The following PRIM2 variants were observed in gnomAD, a reference collection of about 807,000 sequenced individuals.
The protein encoded by PRIM2 is DNA primase subunit 2.
Under a neutral mutation model 67.3 loss-of-function variants are expected in PRIM2, and 39 were observed. The observed-to-expected ratio is 0.58, with a 90% CI of 0.45 to 0.76. PRIM2 has a LOEUF of 0.76. Ranked by LOEUF, PRIM2 falls within the 30% of genes least tolerant of loss-of-function variation. The pLI is 0.00. For missense variants in PRIM2, 398 were observed against 598.7 expected (o/e 0.66, Z 3.50); for synonymous variants, 143 against 198.7 (o/e 0.72, Z 2.36).
At chr6:57,266,782 T>G in the PRIM2 span, among the ~76,000 whole-genome samples, 96 of 152,340 alleles carry the variant, frequency 6.3e-4, no homozygotes, top group Non-Finnish European at 1.1e-3. Flanking sequence ...TTCTCTTTAA[T>G]TTTTGATCAG....
intron 7 of PRIM2, among the ~76,000 whole-genome samples, chr6:57,454,159 C>G (rs1217071989): frequency 6.6e-6 from 1 of 152,120 alleles, no homozygotes; most frequent in Non-Finnish European, 1.5e-5. Flanking sequence ...GGTGGATAAG[C>G]TTTTTGATGT....
chr6:57,382,031 A>T lies in PRIM2; in HGVS notation c.556A>T (p.Ile186Phe). 1 of 1,608,174 alleles carries T rather than the reference A, an allele frequency of 6.2e-7. No individual in the cohort carries two copies. Residue 186 changes from isoleucine (I) to phenylalanine (F), a missense_variant and splice_region_variant, in exon 7 of 14, where the codon ATC (isoleucine) becomes TTC (phenylalanine). This residue lies in a region of PRIM2 where 229 missense variants were observed against 383.6 expected (regional missense o/e 0.60). Transcript: ENST00000615550. Reference protein sequence around the residue: ...LKLGFESIYKIPFADALDLFR... With the variant: ...LKLGFESIYKFPFADALDLFR... ...TTTGCCTGTTTTACTCTTAATTCAG[A>T]TCCCTTTTGCTGATGCTCTGGATTT...
Position 57,404,680 on chromosome 6 carries a change from C to T in PRIM2, c.693+22512C>T, listed in dbSNP as rs1238900400. 3.7e-4 allele frequency among the ~76,000 whole-genome samples: 56 copies of T among 152,292 alleles called. 1 individual carries two copies. The highest frequency in any genetic ancestry group is 5.9e-5 in the Non-Finnish European group (4 of 68,042). ...AGCTGTTATTCACTGGACAGTTTTT[C>T]TCTGCAGTATGTAAGATGTGAATTT... On this transcript the variant is annotated intron_variant, in intron 7 of 13. Transcript: ENST00000615550.
the PRIM2 span, among the ~76,000 whole-genome samples, chr6:57,236,332 C>CAAT: frequency 1.1e-4 from 6 of 52,398 alleles, no homozygotes; most frequent in African/African-American, 2.7e-4. Context: ...AATAGCTTCC[C>CAAT]AATTCATTAT....
intron 13 of PRIM2, among the ~76,000 whole-genome samples, chr6:57,642,433 A>ACC (rs1444848326): frequency 0.1 from 10,577 of 104,612 alleles, 879 homozygotes; most frequent in East Asian, 0.22. Flanking sequence ...TAAATATTAT[A>ACC]TCTTTTTTTT....
intron 7 of PRIM2, among the ~76,000 whole-genome samples, chr6:57,388,883 GAGAA>G (rs1279607086): frequency 2.0e-5 from 3 of 152,172 alleles, no homozygotes; most frequent in Non-Finnish European, 4.4e-5. Context: ...TTTTGGGGAG[GAGAA>G]TGTGCAGCCA....
At chr6:57,385,341 A>G (rs1581850685) in intron 7 of PRIM2, among the ~76,000 whole-genome samples, 1 of 152,282 alleles carries the variant, frequency 6.6e-6, no homozygotes, top group East Asian at 1.9e-4. Context: ...TTAAAAAATT[A>G]ATACTTTAAA....
chr6:57,460,483 G>A (rs1001896833), intron 7 of PRIM2, among the ~76,000 whole-genome samples: 1 of 152,026 alleles, frequency 6.6e-6, no homozygotes, highest in Non-Finnish European at 1.5e-5. Flanking sequence ...TGTAATGCTC[G>A]TAAGTTCTGT....
chr6:57,620,642 A>G (rs1369481132), intron 12 of PRIM2, among the ~76,000 whole-genome samples: 1 of 152,330 alleles, frequency 6.6e-6, no homozygotes, highest in African/African-American at 2.4e-5. Context: ...GGACCTGTAA[A>G]ATAAAAACAC....
rs550504954 is a variant in PRIM2, at chr6:57,409,215, G to A, written c.693+27047G>A. ...TTTCGAGATGGAGTCTCGCTCTGTC[G>A]CCCAGGCTGGAGTACACTAGCACGA... On this transcript the variant is annotated intron_variant, in intron 7 of 13. Transcript: ENST00000615550. Among the ~76,000 whole-genome samples the A allele has an allele frequency of 1.8e-4, 27 of 150,624 alleles. 1 individual carries two copies. In the South Asian group the frequency reaches 4.6e-3, roughly 26 times the overall value.
chr6:57,240,342 C>G, the PRIM2 span, among the ~76,000 whole-genome samples: 1 of 152,072 alleles, frequency 6.6e-6, no homozygotes, highest in African/African-American at 2.4e-5. Context: ...CTCAGGTGAT[C>G]CTCCTGCCTC....
At chr6:57,361,901 GA>G (rs5876542) in intron 5 of PRIM2, among the ~76,000 whole-genome samples, 25 of 151,626 alleles carry the variant, frequency 1.6e-4, no homozygotes, top group South Asian at 1.5e-3. Flanking sequence ...GTTATAGGGG[GA>G]AAAAAAAGTG....
chr6:57,283,428 T>G, the PRIM2 span, among the ~76,000 whole-genome samples: 1 of 152,198 alleles, frequency 6.6e-6, no homozygotes, highest in Non-Finnish European at 1.5e-5. Flanking sequence ...CAGTTACAGT[T>G]TAAAATATTA....
intron 7 of PRIM2, among the ~76,000 whole-genome samples, chr6:57,454,876 T>C (rs1772704599): frequency 6.6e-6 from 1 of 152,234 alleles, no homozygotes; most frequent in African/African-American, 2.4e-5. Context: ...AATTGTGATG[T>C]TAGGGTGTCA....
chr6:57,493,291 C>A (rs1168348321), intron 7 of PRIM2, among the ~76,000 whole-genome samples: 1 of 152,122 alleles, frequency 6.6e-6, no homozygotes. Context: ...TTCCTTAAGT[C>A]CTTTGTTGCC....
intron 10 of PRIM2, among the ~76,000 whole-genome samples, chr6:57,578,853 T>G (rs1776019971): frequency 6.6e-6 from 1 of 151,562 alleles, no homozygotes; most frequent in African/African-American, 2.4e-5. Flanking sequence ...ATTTTTTGTA[T>G]TTTTAGTAGA....
chr6:57,370,204 A>G (rs1649070079), intron 5 of PRIM2, among the ~76,000 whole-genome samples: 1 of 152,202 alleles, frequency 6.6e-6, no homozygotes, highest in Admixed American at 6.5e-5. Flanking sequence ...GTAGGAAGCC[A>G]TTTAATCTTG....
chr6:57,473,077 C>T (rs1242696678), intron 7 of PRIM2, among the ~76,000 whole-genome samples: 3 of 152,228 alleles, frequency 2.0e-5, no homozygotes, highest in African/African-American at 4.8e-5. Flanking sequence ...TTTTCTGCTT[C>T]AGTAAACCTA....
intron 10 of PRIM2, among the ~76,000 whole-genome samples, chr6:57,574,958 A>G (rs1180541598): frequency 5.9e-5 from 9 of 152,152 alleles, no homozygotes; most frequent in African/African-American, 2.2e-4. Flanking sequence ...GGGTGCTTAA[A>G]GGTATAGAAC....
Sources: allele counts gnomAD v4.1 joint callset (sites outside exome capture counted in the v4.1 genomes callset), GRCh38; gene constraint gnomAD v4.1.1; regional missense constraint gnomAD v4.1.1; transcripts MANE v1.5; gene names NCBI Gene and HGNC (gene_info 2026-07-23, HGNC 2026-07-21).